Variants in TBC1D22A observed in about 807,000 individuals in gnomAD.
TBC1D22A encodes the protein TBC1 domain family member 22A.
Under a neutral mutation model 60.2 loss-of-function variants are expected in TBC1D22A, and 38 were observed. The ratio of observed to expected loss-of-function variants is 0.63; its 90% confidence interval spans 0.49 to 0.83. The LOEUF (loss-of-function observed/expected upper bound fraction) is 0.83. Among genes scored for constraint, TBC1D22A ranks in the 40% least tolerant of loss-of-function variants. The pLI, the probability that TBC1D22A is intolerant of heterozygous loss-of-function variation, is 0.00. For missense variants in TBC1D22A, 628 were observed against 701.0 expected (o/e 0.90, Z 1.18); for synonymous variants, 302 against 281.7 (o/e 1.07, Z -0.72).
intron 8 of TBC1D22A, chr22:46,913,618 C>T (rs2070126779): frequency 1.0e-6 from 1 of 985,256 alleles, no homozygotes; most frequent in Non-Finnish European, 1.2e-6. Context: ...TCTTACCCCT[C>T]ATTTGACAGA....
At chr22:47,003,384 A>G (rs567059081) in intron 10 of TBC1D22A, among the ~76,000 whole-genome samples, 36 of 151,782 alleles carry the variant, frequency 2.4e-4, no homozygotes, top group Non-Finnish European at 5.0e-4. Flanking sequence ...AAGTATACGC[A>G]CACACACCCT....
chr22:47,163,793 C>T (rs1211290631), intron 12 of TBC1D22A, among the ~76,000 whole-genome samples: 3 of 152,206 alleles, frequency 2.0e-5, no homozygotes, highest in South Asian at 2.1e-4. Context: ...GGTCCTGACA[C>T]CTGCACCACG....
chr22:46,982,298 A>G (rs1372142720), intron 9 of TBC1D22A, among the ~76,000 whole-genome samples: 2 of 150,182 alleles, frequency 1.3e-5, no homozygotes, highest in Non-Finnish European at 2.9e-5. Context: ...ATCTTGGCAC[A>G]CTGCAACCTC....
At chr22:46,796,376 G>A (rs1014873041) in intron 3 of TBC1D22A, among the ~76,000 whole-genome samples, 6 of 152,204 alleles carry the variant, frequency 3.9e-5, no homozygotes, top group Non-Finnish European at 8.8e-5. Context: ...GAAGGAGGGC[G>A]CGGGGGAGTG....
intron 1 of TBC1D22A, among the ~76,000 whole-genome samples, chr22:46,769,048 C>G (rs1167905698): frequency 1.4e-5 from 2 of 140,068 alleles, no homozygotes; most frequent in African/African-American, 5.4e-5. Flanking sequence ...GAGCTGAGAT[C>G]GCGTCACTGC....
At chr22:47,128,687 G>A (rs1476893640) in intron 12 of TBC1D22A, among the ~76,000 whole-genome samples, 1 of 152,090 alleles carries the variant, frequency 6.6e-6, no homozygotes, top group Non-Finnish European at 1.5e-5. Context: ...ACTTTCTCTG[G>A]GGAAAGAGCA....
intron 8 of TBC1D22A, among the ~76,000 whole-genome samples, chr22:46,971,315 A>G (rs1410518317): frequency 1.3e-5 from 2 of 152,126 alleles, no homozygotes; most frequent in Non-Finnish European, 2.9e-5. Context: ...GCATCTGTGC[A>G]CTCAGGCAGA....
chr22:46,855,016 C>T (rs2087496367), intron 4 of TBC1D22A, among the ~76,000 whole-genome samples: 1 of 152,136 alleles, frequency 6.6e-6, no homozygotes, highest in Admixed American at 6.5e-5. Flanking sequence ...TAAGTAACAG[C>T]CATTAATATT....
chr22:47,150,226 G>A (rs887958437), intron 12 of TBC1D22A, among the ~76,000 whole-genome samples: 6 of 152,236 alleles, frequency 3.9e-5, no homozygotes, highest in Middle Eastern at 3.4e-3. Context: ...GCACCGCCAC[G>A]CCCATTCAGG....
chr22:47,078,701 C>G (rs1197578749), intron 11 of TBC1D22A, among the ~76,000 whole-genome samples: 1 of 152,238 alleles, frequency 6.6e-6, no homozygotes, highest in African/African-American at 2.4e-5. Flanking sequence ...TGCTGATCAT[C>G]CAGTGTCTGC....
chr22:47,060,715 T>C (rs562873004), intron 11 of TBC1D22A, among the ~76,000 whole-genome samples: 2 of 152,278 alleles, frequency 1.3e-5, no homozygotes, highest in East Asian at 3.9e-4. Flanking sequence ...TTGGTGATGG[T>C]TCAGCAGACA....
intron 8 of TBC1D22A, among the ~76,000 whole-genome samples, chr22:46,963,249 T>G (rs1357662118): frequency 6.9e-6 from 1 of 145,464 alleles, no homozygotes; most frequent in Non-Finnish European, 1.5e-5. Flanking sequence ...AATCAGTGCC[T>G]GATCACCTTA....
chr22:46,921,497 C>G (rs1342201725), intron 8 of TBC1D22A, among the ~76,000 whole-genome samples: 1 of 152,158 alleles, frequency 6.6e-6, no homozygotes, highest in Non-Finnish European at 1.5e-5. Flanking sequence ...CATTGATGGA[C>G]ATTTAGGTTG....
chr22:47,074,592 A>G (rs959807836), intron 11 of TBC1D22A, among the ~76,000 whole-genome samples: 2 of 152,222 alleles, frequency 1.3e-5, no homozygotes, highest in African/African-American at 2.4e-5. Context: ...AGATGCATAC[A>G]ATCTAATATC....
chr22:47,010,464 C>T (rs1233284131), intron 10 of TBC1D22A, among the ~76,000 whole-genome samples: 4 of 152,168 alleles, frequency 2.6e-5, no homozygotes, highest in East Asian at 1.9e-4. Context: ...CTGTTATGTG[C>T]GACCTAAGGT....
chr22:46,909,849 C>T (rs957416904), intron 7 of TBC1D22A, among the ~76,000 whole-genome samples: 9 of 152,332 alleles, frequency 5.9e-5, no homozygotes, highest in South Asian at 4.1e-4. Flanking sequence ...GCTTGCTTCA[C>T]GCCCTAGGGG....
At chr22:47,050,306 A>G (rs2063168104) in intron 11 of TBC1D22A, among the ~76,000 whole-genome samples, 1 of 152,178 alleles carries the variant, frequency 6.6e-6, no homozygotes, top group Non-Finnish European at 1.5e-5. Context: ...CGCCTGGCCG[A>G]GAGGGGGCAT....
At position 47,121,835 on chromosome 22, in the gene TBC1D22A, C is replaced by T. The variant is rs139278389; in HGVS notation, c.1425+10232C>T. ...TTCGGCTGCTTTGTGAGGTTCGTGG[C>T]TTGGAGCTGGAGCTCAGAATGCTGG... On this transcript the variant is annotated intron_variant, in intron 12 of 12. Coordinates refer to ENST00000337137, the MANE Select transcript of TBC1D22A (RefSeq NM_014346.5). Among the ~76,000 whole-genome samples, 64 of 152,224 alleles carry T rather than the reference C, an allele frequency of 4.2e-4. No individual in the cohort carries two copies. The East Asian group carries it at 0.012, about 29-fold the overall frequency.
chr22:47,008,256 T>C (rs1224570725), intron 10 of TBC1D22A, among the ~76,000 whole-genome samples: 2 of 152,242 alleles, frequency 1.3e-5, no homozygotes, highest in Non-Finnish European at 2.9e-5. Flanking sequence ...ATGTTTGTTC[T>C]GTGTGGAGCT....
Sources: allele counts gnomAD v4.1 joint callset (sites outside exome capture counted in the v4.1 genomes callset), GRCh38; gene constraint gnomAD v4.1.1; transcripts MANE v1.5; gene names NCBI Gene and HGNC (gene_info 2026-07-23, HGNC 2026-07-21).